GOLPH3: variants seen among roughly 807,000 people sequenced by gnomAD.
GOLPH3 encodes the protein coat protein GPP34.
Under a neutral mutation model 28.5 loss-of-function variants are expected in GOLPH3, and 14 were observed. The ratio of observed to expected loss-of-function variants is 0.49; its 90% CI spans 0.32 to 0.77. GOLPH3 has a LOEUF of 0.77. Ranked by LOEUF, GOLPH3 falls within the 30% of genes least tolerant of loss-of-function variation. The pLI is 0.03. For synonymous variants in GOLPH3, 158 were observed against 159.2 expected, an observed-to-expected ratio of 0.99 and a Z score of 0.06; for missense variants, 350 against 393.7, an observed-to-expected ratio of 0.89 and a Z score of 0.94.
intron 2 of GOLPH3, among the ~76,000 whole-genome samples, chr5:32,143,267 G>C (rs1746121624): frequency 1.3e-5 from 2 of 151,458 alleles, no homozygotes; most frequent in South Asian, 4.2e-4. Flanking sequence ...CTCCTTAAGA[G>C]TCATCACCAC....
chr5:32,139,267 T>G (rs1239610765), intron 2 of GOLPH3, among the ~76,000 whole-genome samples: 2 of 152,230 alleles, frequency 1.3e-5, no homozygotes, highest in African/African-American at 4.8e-5. Flanking sequence ...TATTAGGTAT[T>G]GTAAGTAATC....
intron 1 of GOLPH3, among the ~76,000 whole-genome samples, chr5:32,155,729 A>G (rs1341278094): frequency 1.3e-5 from 2 of 151,826 alleles, no homozygotes; most frequent in African/African-American, 2.4e-5. Context: ...AGGCCGAGGC[A>G]GGCAGATCAC....
chr5:32,147,127 ATTC>A (rs1398630578), intron 1 of GOLPH3, among the ~76,000 whole-genome samples: 4 of 152,146 alleles, frequency 2.6e-5, no homozygotes, highest in Admixed American at 1.3e-4. Flanking sequence ...CTTTGACACA[ATTC>A]TTATGGGCCT....
chr5:32,154,205 G>C (rs1198925986), intron 1 of GOLPH3, among the ~76,000 whole-genome samples: 1 of 152,198 alleles, frequency 6.6e-6, no homozygotes, highest in Non-Finnish European at 1.5e-5. Flanking sequence ...ACTGGAAGTA[G>C]CTAAGGCACA....
In GOLPH3 at chr5:32,139,702, G is replaced by A. The variant is rs188825118; in HGVS notation, c.358-4016C>T. ...ATTTAGCTTCTTTTTTTGGGGGGAC[G>A]GGAACCATTCCTAAATATAAACAGA... On this transcript the variant is annotated intron_variant, in intron 2 of 3. Transcript: ENST00000265070. Among the ~76,000 whole-genome samples, 585 of 152,098 alleles carry A rather than the reference G, an allele frequency of 3.8e-3. 5 individuals are homozygous for A. Among genetic ancestry groups the A allele is most frequent in the African/African-American group, 0.013 (537 of 41,482 alleles).
At chr5:32,165,018 GC>G (rs1347217714) in intron 1 of GOLPH3, among the ~76,000 whole-genome samples, 1 of 149,682 alleles carries the variant, frequency 6.7e-6, no homozygotes, top group African/African-American at 2.5e-5. Flanking sequence ...TCCTGCCTCA[GC>G]CTCCCGAGTA....
intron 1 of GOLPH3, among the ~76,000 whole-genome samples, chr5:32,146,504 G>T (rs157503): frequency 5.3e-5 from 8 of 151,734 alleles, no homozygotes; most frequent in African/African-American, 1.2e-4. Context: ...GGTAGAAAAG[G>T]GTATTGTTTA....
At chr5:32,126,659 T>C in intron 3 of GOLPH3, 23 bp from the exon 4 acceptor site, 2 of 1,590,596 alleles carry the variant, frequency 1.3e-6, no homozygotes, top group African/African-American at 1.4e-5. Flanking sequence ...TTTCAGAAGT[T>C]AGAAATGATG....
rs572220210 is a variant in GOLPH3, at chr5:32,160,871, T to C, written c.225+12939A>G. On this transcript the variant is annotated intron_variant, in intron 1 of 3. Transcript: ENST00000265070. ...CCACGAGGTCAGGAGATCGAGACCA[T>C]CCTGGCTAACACAGTGAAACCCCGT... 3.3e-5 allele frequency among the ~76,000 whole-genome samples: 5 copies of C among 151,576 alleles called. No individual in the cohort carries two copies. In the South Asian group the frequency reaches 1.0e-3, roughly 32 times the overall value.
At chr5:32,143,313 C>A (rs981617355) in intron 2 of GOLPH3, among the ~76,000 whole-genome samples, 1 of 151,368 alleles carries the variant, frequency 6.6e-6, no homozygotes, top group Non-Finnish European at 1.5e-5. Context: ...ACAAACACTG[C>A]GGAAGGCCGC....
intron 2 of GOLPH3, among the ~76,000 whole-genome samples, chr5:32,139,535 T>C (rs1746011114): frequency 6.6e-6 from 1 of 152,262 alleles, no homozygotes; most frequent in South Asian, 2.1e-4. Context: ...CTGATCTTTC[T>C]AACAGACAAA....
At position 32,126,097 on chromosome 5, in the gene GOLPH3, A is replaced by G. The variant is rs1745671982; in HGVS notation, c.*115T>C. The G allele has an allele frequency of 1.7e-5, 19 of 1,107,916 alleles. No homozygotes were observed. In the South Asian group the frequency reaches 2.7e-4, roughly 16 times the overall value. 68.6% of individuals were successfully genotyped at this position (1,107,916 alleles called of 1,614,324 possible). A position where few individuals can be genotyped will look rare whatever the true frequency, so the allele number is the denominator to read the frequency against. The stretch of plus-strand genomic sequence containing the variant: ...AAGAAAAAGCCACCCACCATTTTGT[A>G]AAACAGAAGCCAATTATAGTGTGGG... On this transcript the variant is annotated 3_prime_UTR_variant, in exon 4 of 4. Transcript: ENST00000265070.
chr5:32,130,711 C>T (rs1745809458), intron 3 of GOLPH3, among the ~76,000 whole-genome samples: 1 of 152,088 alleles, frequency 6.6e-6, no homozygotes, highest in Admixed American at 6.6e-5. Flanking sequence ...AAAAAAACAC[C>T]CCCTCCCCTA....
At chr5:32,148,976 A>C (rs1746243333) in intron 1 of GOLPH3, among the ~76,000 whole-genome samples, 1 of 151,410 alleles carries the variant, frequency 6.6e-6, no homozygotes, top group Admixed American at 6.6e-5. Flanking sequence ...ACTCCATCTC[A>C]AAAAAAAAGA....
At chr5:32,143,642 A>C in intron 2 of GOLPH3, 107 bp downstream of exon 2, 1 of 988,516 alleles carries the variant, frequency 1.0e-6, no homozygotes, top group Non-Finnish European at 1.5e-6. Flanking sequence ...GAAGAAAGAC[A>C]ACTTTAATAT....
At chr5:32,128,386 G>A (rs1185908723) in intron 3 of GOLPH3, among the ~76,000 whole-genome samples, 4 of 152,134 alleles carry the variant, frequency 2.6e-5, no homozygotes, top group East Asian at 1.9e-4. Context: ...GGCCAGGCGC[G>A]GTGGCTCAAA....
intron 3 of GOLPH3, among the ~76,000 whole-genome samples, 168 bp from the exon 4 acceptor site, chr5:32,126,804 C>G (rs1745692579): frequency 6.6e-6 from 1 of 152,168 alleles, no homozygotes; most frequent in Non-Finnish European, 1.5e-5. Context: ...CCTAGCCAGA[C>G]CTTTGGATTC....
intron 1 of GOLPH3, among the ~76,000 whole-genome samples, chr5:32,160,837 G>T (rs1186752008): frequency 6.6e-6 from 1 of 152,180 alleles, no homozygotes; most frequent in Non-Finnish European, 1.5e-5. Context: ...GGAGGCCAAG[G>T]CGGGCGGACC....
At chr5:32,142,601 G>C (rs893656759) in intron 2 of GOLPH3, among the ~76,000 whole-genome samples, 1 of 137,458 alleles carries the variant, frequency 7.3e-6, no homozygotes, top group Admixed American at 7.4e-5. Context: ...GAGGGAGGTG[G>C]GGGGGTCAGC....
Sources: allele counts gnomAD v4.1 joint callset (sites outside exome capture counted in the v4.1 genomes callset), GRCh38; gene constraint gnomAD v4.1.1; transcripts MANE v1.5; gene names NCBI Gene and HGNC (gene_info 2026-07-23, HGNC 2026-07-21).